The following SIN3A variants were observed in gnomAD, a reference collection of about 807,000 sequenced individuals.
SIN3A encodes SIN3 transcription regulator family member A.
SIN3A carries 14 observed loss-of-function variants against 146.1 expected under a neutral mutation model. That is an observed-to-expected ratio of 0.10 (90% confidence interval 0.06 to 0.15). SIN3A has a LOEUF of 0.15. Among genes scored for constraint, SIN3A ranks in the 10% least tolerant of loss-of-function variants. The pLI is 1.00. For missense variants in SIN3A, 1,028 were observed against 1,576.0 expected (o/e 0.65, Z 5.89); for synonymous variants, 572 against 572.0 (o/e 1.00, Z 0.00).
At chr15:75,372,267 C>T (rs1248116200) in intron 20 of SIN3A, 58 bp from the exon 21 acceptor site, 8 of 1,184,306 alleles carry the variant, frequency 6.8e-6, no homozygotes, top group East Asian at 2.4e-5. Context: ...AAGAGCCCTT[C>T]AAATACAAAG....
intron 1 of SIN3A, among the ~76,000 whole-genome samples, chr15:75,445,095 A>C (rs148394429): frequency 2.1e-3 from 312 of 150,174 alleles, no homozygotes; most frequent in African/African-American, 7.2e-3. Flanking sequence ...CAAAATATCT[A>C]TAAGGCCAGG....
At chr15:75,421,902 A>G in intron 3 of SIN3A, 1 of 152,166 alleles carries the variant, frequency 6.6e-6, no homozygotes, top group East Asian at 1.9e-4. Flanking sequence ...AGCACTGAAA[A>G]CGTACCACAC....
At chr15:75,411,889 C>A in intron 5 of SIN3A, 146 bp from the exon 6 acceptor site, 1 of 755,750 alleles carries the variant, frequency 1.3e-6, no homozygotes, top group Non-Finnish European at 2.0e-6. Flanking sequence ...ACAAATCATA[C>A]TGGGCAGCAG....
chr15:75,412,865 T>A lies in SIN3A; in HGVS notation c.654A>T (p.Pro218=). Residue 218 remains proline, a synonymous_variant, in exon 5 of 21, where the codon CCA becomes CCT. Coordinates refer to ENST00000394947, the MANE Select transcript of SIN3A (RefSeq NM_001145358.2). ...GATGTTGGGGTGGTGGTTGAGGCTG[T>A]GGCTGGATGCCATGGGTGGGAATCT... ...VHQIPTHGIQ[P]QPQPPPQHPS... The A allele has an allele frequency of 6.2e-7, 1 of 1,613,588 alleles. No individual in the cohort carries two copies. Among genetic ancestry groups the A allele is most frequent in the African/African-American group, 1.3e-5 (1 of 74,994 alleles).
At chr15:75,450,575 A>T (rs2074385335) in intron 1 of SIN3A, among the ~76,000 whole-genome samples, 1 of 152,180 alleles carries the variant, frequency 6.6e-6, no homozygotes, top group Non-Finnish European at 1.5e-5. Context: ...TACAACCAAG[A>T]GGGGAGTGGG....
At chr15:75,444,724 A>T (rs1172014071) in intron 1 of SIN3A, among the ~76,000 whole-genome samples, 1 of 152,174 alleles carries the variant, frequency 6.6e-6, no homozygotes, top group African/African-American at 2.4e-5. Context: ...GACATTTCTT[A>T]CTACTGTAGG....
chr15:75,399,824 T>TA (rs753383745), intron 12 of SIN3A, among the ~76,000 whole-genome samples: 7 of 152,238 alleles, frequency 4.6e-5, no homozygotes, highest in Non-Finnish European at 8.8e-5. Context: ...TTAAAAGGGC[T>TA]AAAGTGGCCT....
chr15:75,430,816 G>A (rs964750824), intron 1 of SIN3A, among the ~76,000 whole-genome samples: 7 of 149,478 alleles, frequency 4.7e-5, no homozygotes, highest in African/African-American at 1.7e-4. Context: ...TCACTCTGTT[G>A]CCCAGGCTGA....
rs76626567 is a variant in SIN3A at position 75,409,562 on chromosome 15, TA to T, written c.1317+273del. ...TAACACGGTGAAACCCCGTCTCCACTAAAAAAAAAAAAAAATCAGCCCGGTA... is the reference window on the plus strand; with the variant it reads ...TAACACGGTGAAACCCCGTCTCCACTAAAAAAAAAAAAAATCAGCCCGGTA... On this transcript the variant is annotated intron_variant, in intron 8 of 20. Coordinates refer to ENST00000394947, the MANE Select transcript of SIN3A (RefSeq NM_001145358.2). Among the ~76,000 whole-genome samples, 913 of 131,622 alleles carry T rather than the reference TA, an allele frequency of 6.9e-3. 1 individual carries two copies. The highest frequency in any genetic ancestry group is 6.1e-3 in the Admixed American group (80 of 13,126). The allele number at this position is 131,622 out of a possible 152,430, so 86.3% of individuals were successfully genotyped here.
chr15:75,417,315 C>T (rs1456606219), intron 3 of SIN3A, among the ~76,000 whole-genome samples: 1 of 151,460 alleles, frequency 6.6e-6, no homozygotes, highest in Non-Finnish European at 1.5e-5. Context: ...TAAAATTATA[C>T]AAAATATCAG....
upstream of SIN3A, among the ~76,000 whole-genome samples, chr15:75,454,645 C>T (rs952619734): frequency 3.9e-5 from 6 of 152,080 alleles, no homozygotes; most frequent in African/African-American, 1.4e-4. Flanking sequence ...CCTTCACTGC[C>T]CCTTTCAGGC....
intron 16 of SIN3A, chr15:75,388,258 C>T (rs1222372444): frequency 6.6e-6 from 1 of 152,302 alleles, no homozygotes; most frequent in African/African-American, 2.4e-5. Flanking sequence ...AGCCACGGTA[C>T]CCAGGTGGAA....
intron 2 of SIN3A, among the ~76,000 whole-genome samples, chr15:75,426,697 A>C (rs2073931220): frequency 6.6e-6 from 1 of 152,206 alleles, no homozygotes; most frequent in African/African-American, 2.4e-5. Context: ...TGGGAGGCCG[A>C]GTCGGGCAGA....
At chr15:75,446,605 C>T (rs1240597636) in intron 1 of SIN3A, among the ~76,000 whole-genome samples, 1 of 151,788 alleles carries the variant, frequency 6.6e-6, no homozygotes, top group Non-Finnish European at 1.5e-5. Context: ...AATCCTCCTG[C>T]CTCAGCCTCT....
intron 2 of SIN3A, among the ~76,000 whole-genome samples, chr15:75,428,627 G>A (rs1464316967): frequency 6.6e-6 from 1 of 152,118 alleles, no homozygotes; most frequent in East Asian, 1.9e-4. Context: ...AGCCTCCCAA[G>A]TAGCTAGGAA....
intron 14 of SIN3A, among the ~76,000 whole-genome samples, chr15:75,394,112 T>C (rs1167357190): frequency 6.6e-6 from 1 of 152,186 alleles, no homozygotes; most frequent in East Asian, 1.9e-4. Context: ...CCGGCCTGAT[T>C]AAGTTCACAT....
intron 17 of SIN3A, chr15:75,384,023 A>T (rs1381138587): frequency 7.9e-6 from 2 of 252,246 alleles, no homozygotes; most frequent in East Asian, 1.6e-4. Context: ...GAGAAAAAGA[A>T]TACAAAATTG....
intron 1 of SIN3A, among the ~76,000 whole-genome samples, chr15:75,441,910 G>C (rs865836452): frequency 6.6e-6 from 1 of 151,910 alleles, no homozygotes. Flanking sequence ...CACGAGGTCA[G>C]GAGATTGAGA....
At chr15:75,452,436 C>CA (rs954514439), upstream of SIN3A, among the ~76,000 whole-genome samples, 6 of 151,982 alleles carry the variant, frequency 3.9e-5, no homozygotes, top group South Asian at 4.2e-4. Flanking sequence ...GACTCCCTCA[C>CA]AAAAAAAATG....
Sources: gnomAD v4.1 joint callset for allele counts (sites outside exome capture counted in the v4.1 genomes callset) on GRCh38, gnomAD v4.1.1 for gene constraint, MANE v1.5 for transcripts, NCBI Gene and HGNC (gene_info 2026-07-23, HGNC 2026-07-21) for gene names.